The following DCN variants were observed in gnomAD, a reference collection of about 807,000 sequenced individuals.
The protein encoded by DCN is decorin, also known as bone proteoglycan II.
A neutral mutation model predicts 36.5 loss-of-function variants in DCN; 17 were observed. The ratio of observed to expected loss-of-function variants is 0.47; its 90% CI spans 0.32 to 0.70. The LOEUF is 0.70. Ranked by LOEUF, DCN falls within the 30% of genes least tolerant of loss-of-function variation. The probability of loss-of-function intolerance (pLI) is 0.04; values close to 1 mark genes in which losing one functional copy is unlikely to be tolerated. For missense variants in DCN, 389 were observed against 430.1 expected (o/e 0.90, Z 0.84); for synonymous variants, 163 against 161.4 (o/e 1.01, Z -0.07).
chr12:91,163,983 A>G (rs1404476333), intron 3 of DCN, among the ~76,000 whole-genome samples: 1 of 152,230 alleles, frequency 6.6e-6, no homozygotes, highest in Non-Finnish European at 1.5e-5. Context: ...ATTAAGATCT[A>G]AAGTATTTTT....
At position 91,145,991 on chromosome 12, in the gene DCN, A is replaced by T. The variant is rs1042068978; in HGVS notation, c.*67T>A. ...GTTAGGTTTCCAGTATCTAGCTTTT[A>T]TTTATTTTTTAGCAATGACATTAAC... On this transcript the variant is annotated 3_prime_UTR_variant, in exon 8 of 8. Transcript: ENST00000052754. 8.2e-6 allele frequency: 11 copies of T among 1,337,812 alleles called. No homozygotes were observed. The highest frequency in any genetic ancestry group is 1.2e-5 in the South Asian group (1 of 85,182). 82.9% of individuals were successfully genotyped at this position (1,337,812 alleles called of 1,614,324 possible).
At chr12:91,164,462 TAAAA>T (rs36087078) in intron 3 of DCN, 139 bp downstream of exon 3, 25 of 317,536 alleles carry the variant, frequency 7.9e-5, no homozygotes, top group East Asian at 1.0e-4. Flanking sequence ...AAAAAAAAAG[TAAAA>T]AAAAAAAAAA....
chr12:91,152,476 C>G (rs528394004), intron 6 of DCN, among the ~76,000 whole-genome samples: 1 of 151,952 alleles, frequency 6.6e-6, no homozygotes, highest in African/African-American at 2.4e-5. Flanking sequence ...CAAGTGAAAA[C>G]GTTTGCCAGA....
intron 3 of DCN, among the ~76,000 whole-genome samples, chr12:91,163,344 G>A (rs1882284682): frequency 6.6e-6 from 1 of 152,082 alleles, no homozygotes; most frequent in Non-Finnish European, 1.5e-5. Flanking sequence ...CCTTCTTCAA[G>A]TCCTGGGAAG....
chr12:91,141,535 C>A lies in DCN; in HGVS notation c.*4523G>T, dbSNP rs547807837. ...CCTGGAATGTCTCCTCCTGCTGCAACATCTGCTTCAGAGGGCAAGGCATTA... is the reference window on the plus strand; with the variant it reads ...CCTGGAATGTCTCCTCCTGCTGCAAAATCTGCTTCAGAGGGCAAGGCATTA... On this transcript the variant is annotated 3_prime_UTR_variant, in exon 8 of 8. Coordinates refer to ENST00000052754, the MANE Select transcript of DCN (RefSeq NM_001920.5). 1.3e-5 allele frequency: 2 copies of A among 152,238 alleles called. No individual in the cohort carries two copies. The highest frequency in any genetic ancestry group is 4.1e-4 in the South Asian group (2 of 4,826). 9.4% of individuals were successfully genotyped at this position (152,238 alleles called of 1,614,324 possible).
chr12:91,169,541 T>TA (rs1235513549), intron 2 of DCN: 1 of 152,264 alleles, frequency 6.6e-6, no homozygotes, highest in African/African-American at 2.4e-5. Context: ...AGTGTATTGT[T>TA]AGATAAAATC....
chr12:91,154,389 G>A (rs1382576444), intron 5 of DCN, among the ~76,000 whole-genome samples: 1 of 152,004 alleles, frequency 6.6e-6, no homozygotes, highest in Non-Finnish European at 1.5e-5. Flanking sequence ...CCTTTTCACA[G>A]TTAAATAAAT....
At chr12:91,166,865 A>T (rs1341991485) in intron 2 of DCN, among the ~76,000 whole-genome samples, 1 of 152,120 alleles carries the variant, frequency 6.6e-6, no homozygotes, top group African/African-American at 2.4e-5. Flanking sequence ...TAGTTCTACA[A>T]CCTGCTCTGA....
At chr12:91,151,068 TAACAA>T (rs1881378940) in intron 7 of DCN, 1 of 154,144 alleles carries the variant, frequency 6.5e-6, no homozygotes, top group African/African-American at 2.4e-5. Context: ...ACAGAGAGGG[TAACAA>T]AACACACAAC....
chr12:91,161,934 T>C (rs1358886320), intron 3 of DCN, among the ~76,000 whole-genome samples: 1 of 150,796 alleles, frequency 6.6e-6, no homozygotes, highest in Admixed American at 6.7e-5. Context: ...GGCACTGTTT[T>C]ATCTACCAAT....
intron 3 of DCN, among the ~76,000 whole-genome samples, chr12:91,163,421 A>C (rs1225656116): frequency 6.6e-6 from 1 of 152,134 alleles, no homozygotes; most frequent in East Asian, 1.9e-4. Flanking sequence ...GCAACCACAC[A>C]AGACACAGGC....
chr12:91,163,582 A>T (rs2121238642), intron 3 of DCN, among the ~76,000 whole-genome samples: 1 of 152,294 alleles, frequency 6.6e-6, no homozygotes, highest in Middle Eastern at 3.4e-3. Flanking sequence ...CTCCTCCATG[A>T]AACCCCTTTG....
At position 91,141,347 on chromosome 12, in the gene DCN, C is replaced by A. The variant is rs1880749622; in HGVS notation, c.*4711G>T. ...GCCATGTATTTTCCAAATTCAGGGCCTCTTTTCTTGGCTTGCTCCCTTCAG... is the reference window on the plus strand; with the variant it reads ...GCCATGTATTTTCCAAATTCAGGGCATCTTTTCTTGGCTTGCTCCCTTCAG... On this transcript the variant is annotated 3_prime_UTR_variant, in exon 8 of 8. Coordinates refer to ENST00000052754, the MANE Select transcript of DCN (RefSeq NM_001920.5). 1 of 152,244 alleles carries A rather than the reference C, an allele frequency of 6.6e-6. No individual in the cohort carries two copies. The allele number at this position is 152,244 out of a possible 1,614,324, so 9.4% of individuals were successfully genotyped here.
At chr12:91,176,708 C>T (rs1883309654) in intron 2 of DCN, 1 of 152,082 alleles carries the variant, frequency 6.6e-6, no homozygotes, top group Admixed American at 6.6e-5. Context: ...AAATATCAAC[C>T]CTTCATTTTT....
At chr12:91,156,870 A>C (rs1267652067) in intron 5 of DCN, among the ~76,000 whole-genome samples, 1 of 152,156 alleles carries the variant, frequency 6.6e-6, no homozygotes, top group Non-Finnish European at 1.5e-5. Flanking sequence ...GGTCATCCAG[A>C]CTGAATCACT....
At chr12:91,162,630 C>G (rs1160041610) in intron 3 of DCN, among the ~76,000 whole-genome samples, 1 of 152,142 alleles carries the variant, frequency 6.6e-6, no homozygotes, top group Non-Finnish European at 1.5e-5. Context: ...GAATGTATTC[C>G]TATGACATTC....
intron 2 of DCN, among the ~76,000 whole-genome samples, chr12:91,166,518 C>G (rs1018674873): frequency 6.6e-6 from 1 of 152,298 alleles, no homozygotes; most frequent in Admixed American, 6.5e-5. Flanking sequence ...AACGTAGTTA[C>G]TACATTTTAT....
intron 2 of DCN, among the ~76,000 whole-genome samples, chr12:91,166,400 G>A (rs896582305): frequency 5.3e-5 from 8 of 152,070 alleles, no homozygotes; most frequent in Non-Finnish European, 7.4e-5. Flanking sequence ...TGCCATTTTC[G>A]GAAATGTCAA....
chr12:91,140,536 G>A lies in DCN; in HGVS notation c.*5522C>T, dbSNP rs1269414537. On this transcript the variant is annotated 3_prime_UTR_variant, in exon 8 of 8. Transcript: ENST00000052754. Reference sequence around the variant, plus strand: ...TTTATCTTAGAAACCACAGAACATTGCAAAAGGCCAAATTGGCCCTGTAAA... The same window carrying A: ...TTTATCTTAGAAACCACAGAACATTACAAAAGGCCAAATTGGCCCTGTAAA... The A allele has an allele frequency of 6.6e-6, 1 of 152,096 alleles. No homozygotes were observed. Among genetic ancestry groups the A allele is most frequent in the Non-Finnish European group, 1.5e-5 (1 of 67,994 alleles). The allele number at this position is 152,096 out of a possible 1,614,324, so 9.4% of individuals were successfully genotyped here.
Sources: gnomAD v4.1 joint callset for allele counts (sites outside exome capture counted in the v4.1 genomes callset) on GRCh38, gnomAD v4.1.1 for gene constraint, MANE v1.5 for transcripts, NCBI Gene and HGNC (gene_info 2026-07-23, HGNC 2026-07-21) for gene names.